The following TMEM106A variants were observed in gnomAD, a reference collection of about 807,000 sequenced individuals.
TMEM106A encodes transmembrane protein 106A.
Under a neutral mutation model 25.1 loss-of-function variants are expected in TMEM106A, and 22 were observed. The ratio of observed to expected loss-of-function variants is 0.88; its 90% CI spans 0.63 to 1.25. The LOEUF (loss-of-function observed/expected upper bound fraction) is 1.25. Ranked by LOEUF, TMEM106A falls within the 50% of genes most tolerant of loss-of-function variation. TMEM106A has a pLI of 0.00. For synonymous variants in TMEM106A, 104 were observed against 129.9 expected, an observed-to-expected ratio of 0.80 and a Z score of 1.35; for missense variants, 275 against 318.1, an observed-to-expected ratio of 0.86 and a Z score of 1.03.
At chr17:43,217,207 C>T in intron 7 of TMEM106A, 52 bp from the exon 8 acceptor site, 4 of 1,590,050 alleles carry the variant, frequency 2.5e-6, no homozygotes, top group African/African-American at 1.3e-5. Flanking sequence ...TCTGAGCTGA[C>T]AGGCTGCTCC....
In TMEM106A at chr17:43,219,299, G is replaced by T. The variant is rs1353528263; in HGVS notation, c.*1498G>T. On this transcript the variant is annotated 3_prime_UTR_variant, in exon 9 of 9. Coordinates refer to ENST00000612339, the MANE Select transcript of TMEM106A (RefSeq NM_145041.4). ...TTTGACAATGTGGAGCAGCACATCA[G>T]CAGGGACTGGTCTAGACCCTCCCTT... is the stretch of plus-strand genomic sequence containing the variant. 2 of 152,228 alleles carry T rather than the reference G, an allele frequency of 1.3e-5. No individual in the cohort carries two copies. Among genetic ancestry groups the T allele is most frequent in the Non-Finnish European group, 2.9e-5 (2 of 68,092 alleles). 9.4% of individuals were successfully genotyped at this position (152,228 alleles called of 1,614,324 possible).
chr17:43,217,981 A>G lies in TMEM106A; in HGVS notation c.*180A>G. Reference sequence around the variant, plus strand: ...GCTTTGAAGTTAACTTCATACACACACACTCATATCCTCCAGTTTCCCCCA... The same window carrying G: ...GCTTTGAAGTTAACTTCATACACACGCACTCATATCCTCCAGTTTCCCCCA... On this transcript the variant is annotated 3_prime_UTR_variant, in exon 9 of 9. Transcript: ENST00000612339. The G allele has an allele frequency of 1.3e-6, 1 of 791,602 alleles. No homozygotes were observed. Among genetic ancestry groups the G allele is most frequent in the Non-Finnish European group, 2.0e-6 (1 of 496,714 alleles). The allele number at this position is 791,602 out of a possible 1,614,324, so 49.0% of individuals were successfully genotyped here. A position where few individuals can be genotyped will look rare whatever the true frequency, so the allele number is the denominator to read the frequency against.
chr17:43,218,159 C>T lies in TMEM106A; in HGVS notation c.*358C>T, dbSNP rs1284492448. ...TTGGCCTCCCAAAGCACTTGGATTA[C>T]AGATGTGAGCCTGTGCCTGGCTGGT... On this transcript the variant is annotated 3_prime_UTR_variant, in exon 9 of 9. Coordinates refer to ENST00000612339, the MANE Select transcript of TMEM106A (RefSeq NM_145041.4). 8.6e-6 allele frequency: 2 copies of T among 232,280 alleles called. No individual in the cohort carries two copies. The highest frequency in any genetic ancestry group is 1.7e-5 in the Non-Finnish European group (2 of 117,180). 14.4% of individuals were successfully genotyped at this position (232,280 alleles called of 1,614,324 possible).
chr17:43,212,997 T>G (rs1166967137), intron 2 of TMEM106A, 24 bp from the exon 3 acceptor site: 1 of 1,599,672 alleles, frequency 6.3e-7, no homozygotes, highest in Admixed American at 1.7e-5. Context: ...AGCTTAGCAC[T>G]GAACTTTGGT....
chr17:43,217,761 A>T lies in TMEM106A; in HGVS notation c.749A>T (p.Asn250Ile). 1 of 1,614,038 alleles carries T rather than the reference A, an allele frequency of 6.2e-7. No individual in the cohort carries two copies. The highest frequency in any genetic ancestry group is 8.5e-7 in the Non-Finnish European group (1 of 1,179,986). ...QSYEYVDCRG[N>I]ASVPHQLTPH... ...TATGAATATGTGGACTGCCGAGGAA[A>T]CGCATCTGTGCCCCACCAGCTGACC... The change falls in exon 9 of 9, where the codon AAC (asparagine) becomes ATC (isoleucine). Residue 250 changes from asparagine (N) to isoleucine (I), a missense_variant. Coordinates refer to ENST00000612339, the MANE Select transcript of TMEM106A (RefSeq NM_145041.4).
intron 7 of TMEM106A, 82 bp downstream of exon 7, chr17:43,216,822 C>G (rs1341966121): frequency 6.3e-7 from 1 of 1,574,840 alleles, no homozygotes; most frequent in African/African-American, 1.3e-5. Flanking sequence ...TTCCTGATTG[C>G]TTAGCAAATT....
intron 4 of TMEM106A, among the ~76,000 whole-genome samples, chr17:43,214,975 CA>C (rs963637661): frequency 7.2e-4 from 77 of 106,996 alleles, no homozygotes; most frequent in Admixed American, 1.8e-3. Flanking sequence ...AAAAAAAAAA[CA>C]AAAAAAAACC....
At chr17:43,214,438 TC>T (rs1036113386) in intron 4 of TMEM106A, among the ~76,000 whole-genome samples, 2 of 152,140 alleles carry the variant, frequency 1.3e-5, no homozygotes, top group Non-Finnish European at 2.9e-5. Flanking sequence ...CTTAAGCACC[TC>T]CCTTGCTGAG....
intron 8 of TMEM106A, 47 bp downstream of exon 8, chr17:43,217,359 T>C (rs2057496365): frequency 6.3e-7 from 1 of 1,597,680 alleles, no homozygotes; most frequent in African/African-American, 1.3e-5. Context: ...ACTTCTGACT[T>C]CATTCTCACT....
Position 43,216,684 on chromosome 17 carries a change from A to G in TMEM106A, c.571-13A>G. On this transcript the variant is annotated splice_polypyrimidine_tract_variant and intron_variant, in intron 6 of 8. Transcript: ENST00000612339. ...TGGAGTTGGGGCTAACCCTGTGCCC[A>G]TTTGGTTGACAGATGTTTTACGCAG... 1.2e-6 allele frequency: 2 copies of G among 1,614,192 alleles called. No homozygotes were observed. Among genetic ancestry groups the G allele is most frequent in the South Asian group, 2.2e-5 (2 of 91,088 alleles).
intron 2 of TMEM106A, among the ~76,000 whole-genome samples, chr17:43,212,598 G>T (rs181271775): frequency 5.9e-5 from 9 of 152,248 alleles, no homozygotes; most frequent in African/African-American, 2.2e-4. Flanking sequence ...TTAGATAGGG[G>T]TCTTAACCAC....
Position 43,216,128 on chromosome 17 carries a change from C to T in TMEM106A, c.429+187C>T, listed in dbSNP as rs1045004479. 5.3e-6 allele frequency: 4 copies of T among 760,672 alleles called. No individual in the cohort carries two copies. In the African/African-American group the frequency reaches 7.0e-5, roughly 13 times the overall value. The allele number at this position is 760,672 out of a possible 1,614,324, so 47.1% of individuals were successfully genotyped here. On this transcript the variant is annotated intron_variant, in intron 5 of 8. Transcript: ENST00000612339. ...AGATGGTAAGGATTGGGACTCTACA[C>T]AGTAAGGGGTCAGAATCCGGGCCAG...
At chr17:43,213,384 G>A in intron 3 of TMEM106A, 132 bp downstream of exon 3, 1 of 930,434 alleles carries the variant, frequency 1.1e-6, no homozygotes, top group Non-Finnish European at 1.6e-6. Context: ...CCCAGTCTCA[G>A]GCTGGCCAGG....
intron 2 of TMEM106A, among the ~76,000 whole-genome samples, chr17:43,212,804 G>T (rs1018608192): frequency 5.3e-5 from 8 of 152,188 alleles, no homozygotes; most frequent in African/African-American, 1.9e-4. Context: ...TTTGTAGGCA[G>T]ATTGGTCTCT....
rs980905845 is a variant in TMEM106A at position 43,219,437 on chromosome 17, G to T, written c.*1636G>T. ...CAGGAAGGATATTTGTTCATTAAAG[G>T]TGGCTTGGTCTTACAGCTGGGTGCA... On this transcript the variant is annotated 3_prime_UTR_variant, in exon 9 of 9. Transcript: ENST00000612339. 1 of 152,054 alleles carries T rather than the reference G, an allele frequency of 6.6e-6. No homozygotes were observed. Among genetic ancestry groups the T allele is most frequent in the African/African-American group, 2.4e-5 (1 of 41,380 alleles). 9.4% of individuals were successfully genotyped at this position (152,054 alleles called of 1,614,324 possible).
intron 7 of TMEM106A, 161 bp downstream of exon 7, chr17:43,216,901 C>A: frequency 1.1e-6 from 1 of 903,794 alleles, no homozygotes; most frequent in Non-Finnish European, 1.7e-6. Context: ...GGGTCCCCAG[C>A]CTCTGCTTGT....
rs141271195 is a variant in TMEM106A, at chr17:43,213,891, C to G, written c.275C>G (p.Thr92Arg). The change falls in exon 4 of 9, where the codon ACG (threonine) becomes AGG (arginine). Residue 92 changes from threonine (T) to arginine (R), a missense_variant and splice_region_variant. By Grantham distance (71) the Thr-to-Arg change is moderately conservative. Transcript: ENST00000612339. ...GACCAGAGGCTGAAGCCCAAGCACACGTAAGCCCCCCTTCCTCCCCTAGCT... is the reference window on the plus strand; with the variant it reads ...GACCAGAGGCTGAAGCCCAAGCACAGGTAAGCCCCCCTTCCTCCCCTAGCT... ...YGDQRLKPKH[T>R]KLFVFLAVLI... The G allele has an allele frequency of 6.2e-7, 1 of 1,614,156 alleles. No individual in the cohort carries two copies. Among genetic ancestry groups the G allele is most frequent in the Admixed American group, 1.7e-5 (1 of 60,026 alleles).
intron 3 of TMEM106A, among the ~76,000 whole-genome samples, 195 bp downstream of exon 3, chr17:43,213,447 G>A (rs1404618784): frequency 6.6e-6 from 1 of 152,120 alleles, no homozygotes; most frequent in African/African-American, 2.4e-5. Flanking sequence ...TCCTTCCCTG[G>A]TTGTATTCTC....
intron 3 of TMEM106A, 97 bp from the exon 4 acceptor site, chr17:43,213,731 C>A: frequency 8.3e-7 from 1 of 1,203,996 alleles, no homozygotes; most frequent in Non-Finnish European, 1.2e-6. Context: ...TAACATTGCT[C>A]TATGGTGTGG....
Sources: allele counts gnomAD v4.1 joint callset (sites outside exome capture counted in the v4.1 genomes callset), GRCh38; gene constraint gnomAD v4.1.1; transcripts MANE v1.5; gene names NCBI Gene and HGNC (gene_info 2026-07-23, HGNC 2026-07-21).